Variants in WASHC2C observed in about 807,000 individuals in gnomAD.
WASHC2C encodes Vaccinia Penetration Factor.
In WASHC2C, 73 loss-of-function variants were observed where a neutral mutation model predicts 142.2. That is an observed-to-expected ratio of 0.51 (90% CI 0.43 to 0.62). The LOEUF is 0.62. Ranked by LOEUF, WASHC2C falls within the 20% of genes least tolerant of loss-of-function variation. WASHC2C has a pLI of 0.00. For synonymous variants in WASHC2C, 337 were observed against 565.5 expected (o/e 0.60, Z 5.73); for missense variants, 969 against 1,531.7 (o/e 0.63, Z 6.13).
chr10:45,728,707 G>T (rs1564681694), intron 2 of WASHC2C, among the ~76,000 whole-genome samples, 155 bp from the exon 3 acceptor site: 1 of 151,682 alleles, frequency 6.6e-6, no homozygotes, highest in Non-Finnish European at 1.5e-5. Flanking sequence ...CTCCAGCCCA[G>T]GCAACAGAGT....
intron 5 of WASHC2C, among the ~76,000 whole-genome samples, chr10:45,740,952 C>T (rs1554867557): frequency 6.6e-6 from 1 of 151,622 alleles, no homozygotes; most frequent in South Asian, 2.1e-4. Context: ...CAGAACCAAA[C>T]CCTTTTTTTT....
intron 19 of WASHC2C, among the ~76,000 whole-genome samples, chr10:45,768,452 C>T (rs1457214850): frequency 1.3e-5 from 2 of 152,092 alleles, no homozygotes; most frequent in African/African-American, 2.4e-5. Flanking sequence ...CTGTGAAATG[C>T]AGGTTCTGAT....
chr10:45,727,980 GTGGT>G (rs2050093454), intron 2 of WASHC2C, among the ~76,000 whole-genome samples: 1 of 152,244 alleles, frequency 6.6e-6, no homozygotes, highest in Non-Finnish European at 1.5e-5. Context: ...AATAAGAGTG[GTGGT>G]TGATTAGCTA....
At chr10:45,782,416 C>A (rs1340475767) in intron 23 of WASHC2C, among the ~76,000 whole-genome samples, 2 of 148,250 alleles carry the variant, frequency 1.3e-5, no homozygotes, top group Admixed American at 1.3e-4. Flanking sequence ...CCACTTCATA[C>A]CCGGGAAGAG....
chr10:45,758,962 G>A (rs1487998497), intron 16 of WASHC2C, among the ~76,000 whole-genome samples: 3 of 151,210 alleles, frequency 2.0e-5, no homozygotes, highest in East Asian at 1.9e-4. Flanking sequence ...TTTGTGTCAT[G>A]TCCTGGCTGT....
chr10:45,779,750 G>A (rs1340574057), intron 23 of WASHC2C, among the ~76,000 whole-genome samples: 1 of 152,190 alleles, frequency 6.6e-6, no homozygotes, highest in African/African-American at 2.4e-5. Context: ...ACTTTAGGAG[G>A]CCAAGGTGGG....
At position 45,737,887 on chromosome 10, in the gene WASHC2C, G is replaced by A. The variant is rs561018018; in HGVS notation, c.292-96G>A. 222 of 1,608,800 alleles carry A rather than the reference G, an allele frequency of 1.4e-4. 4 individuals carry two copies. Among genetic ancestry groups the A allele is most frequent in the South Asian group, 3.5e-4 (32 of 90,874 alleles). On this transcript the variant is annotated intron_variant, in intron 3 of 30. Coordinates refer to ENST00000623400, the MANE Select transcript of WASHC2C (RefSeq NM_001330074.2). The stretch of plus-strand genomic sequence containing the variant: ...CTTTGCTGAATAACCATTTCCTTCC[G>A]CATCTTTGTCCTTAGTTACTGTGTG...
upstream of WASHC2C, chr10:45,727,076 C>G: frequency 7.7e-7 from 1 of 1,292,920 alleles, no homozygotes; most frequent in Non-Finnish European, 1.0e-6. Flanking sequence ...GGCGTCAGCC[C>G]CTATCCTCCA....
chr10:45,742,304 CTT>C (rs2052184355), intron 5 of WASHC2C, among the ~76,000 whole-genome samples: 1 of 151,852 alleles, frequency 6.6e-6, no homozygotes, highest in Non-Finnish European at 1.5e-5. Context: ...GAGTTATAAT[CTT>C]TTTTATTTAT....
chr10:45,730,692 T>G (rs1479710566), intron 3 of WASHC2C, among the ~76,000 whole-genome samples: 1 of 150,994 alleles, frequency 6.6e-6, no homozygotes, highest in Non-Finnish European at 1.5e-5. Context: ...CGATCTCCGC[T>G]CACTGCAAGC....
intron 23 of WASHC2C, among the ~76,000 whole-genome samples, chr10:45,783,759 C>T (rs2057704085): frequency 1.3e-5 from 2 of 152,160 alleles, no homozygotes; most frequent in African/African-American, 4.8e-5. Flanking sequence ...CCATGCCTGG[C>T]CTTTTTGTTA....
intron 20 of WASHC2C, among the ~76,000 whole-genome samples, chr10:45,771,364 CAAAA>C (rs58095251): frequency 2.7e-4 from 11 of 40,218 alleles, no homozygotes; most frequent in Admixed American, 2.4e-3. Context: ...GACTCCATCT[CAAAA>C]AAAAAAAAAA....
At position 45,738,018 on chromosome 10, in the gene WASHC2C, C is replaced by T. The variant is rs2051484833; in HGVS notation, c.327C>T (p.Leu109=). The change falls in exon 4 of 31, where the codon CTC becomes CTT. Residue 109 remains leucine (L), a synonymous_variant. Transcript: ENST00000623400. ...VYDEEVEEPV[L]KAEAEKTEQE... ...ATGAAGAAGTGGAGGAGCCAGTACT[C>T]AAGGCTGAGGCAGAAAAAACAGAGC... 1.1e-5 allele frequency: 17 copies of T among 1,611,724 alleles called. 2 individuals carry two copies. The highest frequency in any genetic ancestry group is 8.0e-5 in the African/African-American group (6 of 74,864).
At chr10:45,766,208 G>C (rs540995616) in intron 19 of WASHC2C, among the ~76,000 whole-genome samples, 274 of 152,364 alleles carry the variant, frequency 1.8e-3, no homozygotes, top group African/African-American at 6.0e-3. Context: ...AAAAACTCAA[G>C]AGAAACAGGA....
intron 3 of WASHC2C, among the ~76,000 whole-genome samples, chr10:45,737,672 T>G (rs2051430575): frequency 1.3e-5 from 2 of 152,140 alleles, no homozygotes; most frequent in Non-Finnish European, 2.9e-5. Context: ...TTAGGTTAAA[T>G]GAAAAGGTGT....
intron 21 of WASHC2C, among the ~76,000 whole-genome samples, chr10:45,775,311 AC>A (rs1487850798): frequency 7.5e-6 from 1 of 133,090 alleles, no homozygotes; most frequent in African/African-American, 2.9e-5. Flanking sequence ...ACATGGTGGA[AC>A]CCCATCTCTA....
At chr10:45,770,240 C>CAA (rs552574113) in intron 20 of WASHC2C, among the ~76,000 whole-genome samples, 1,542 of 82,848 alleles carry the variant, frequency 0.019, 28 homozygotes, top group African/African-American at 0.059. Context: ...GACTCCATCT[C>CAA]AAAAAAAAAA....
rs1380513960 is a variant in WASHC2C at position 45,790,332 on chromosome 10, T to C, written c.3709-24T>C. ...AAGAAAAATTGATTTAACATTGTTT[T>C]GTATGTATTTTTGGCTTAACAAGGA... is the stretch of plus-strand genomic sequence containing the variant. On this transcript the variant is annotated intron_variant, in intron 29 of 30. Coordinates refer to ENST00000623400, the MANE Select transcript of WASHC2C (RefSeq NM_001330074.2). 4.0e-5 allele frequency: 64 copies of C among 1,609,688 alleles called. No individual in the cohort carries two copies. In the Admixed American group the frequency reaches 6.9e-4, roughly 17 times the overall value.
chr10:45,768,824 C>T lies in WASHC2C; in HGVS notation c.1870-625C>T, dbSNP rs543151129. On this transcript the variant is annotated intron_variant, in intron 19 of 30. Coordinates refer to ENST00000623400, the MANE Select transcript of WASHC2C (RefSeq NM_001330074.2). Reference sequence around the variant, plus strand: ...TGGTATTTTTACATTTGGCTTCCTTCTTATAGCCTCTGTAATTAATGTTGA... The same window carrying T: ...TGGTATTTTTACATTTGGCTTCCTTTTTATAGCCTCTGTAATTAATGTTGA... Among the ~76,000 whole-genome samples the T allele has an allele frequency of 1.4e-3, 207 of 151,944 alleles. 2 individuals carry two copies. The highest frequency in any genetic ancestry group is 4.0e-3 in the African/African-American group (167 of 41,420).
Sources: allele counts gnomAD v4.1 joint callset (sites outside exome capture counted in the v4.1 genomes callset), GRCh38; gene constraint gnomAD v4.1.1; transcripts MANE v1.5; gene names NCBI Gene and HGNC (gene_info 2026-07-23, HGNC 2026-07-21).